Variants in NCOA2 observed in about 807,000 individuals in gnomAD.
The protein encoded by NCOA2 is class E basic helix-loop-helix protein 75.
Under a neutral mutation model 145.1 loss-of-function variants are expected in NCOA2, and 21 were observed. That is an observed-to-expected ratio of 0.14 (90% CI 0.10 to 0.21). NCOA2 has a LOEUF of 0.21. Ranked by LOEUF, NCOA2 falls within the 10% of genes least tolerant of loss-of-function variation. The pLI is 1.00. For synonymous variants in NCOA2, 619 were observed against 637.5 expected (o/e 0.97, Z 0.44); for missense variants, 1,472 against 1,837.6 (o/e 0.80, Z 3.64).
the NCOA2 span, among the ~76,000 whole-genome samples, chr8:70,442,120 A>AAAGC: frequency 1.1e-5 from 1 of 91,618 alleles, no homozygotes; most frequent in Non-Finnish European, 2.2e-5. Flanking sequence ...AAGAAAGAAG[A>AAAGC]AAGAAAGAAA....
At chr8:70,208,132 CT>C (rs1166365984) in intron 4 of NCOA2, among the ~76,000 whole-genome samples, 5 of 151,970 alleles carry the variant, frequency 3.3e-5, no homozygotes, top group African/African-American at 1.2e-4. Context: ...GTGAAATAGC[CT>C]TTTTGCTGAT....
At chr8:70,328,802 G>C (rs1471289428) in intron 1 of NCOA2, among the ~76,000 whole-genome samples, 1 of 151,936 alleles carries the variant, frequency 6.6e-6, no homozygotes, top group Non-Finnish European at 1.5e-5. Context: ...AGAAAAAATA[G>C]GACAATACCA....
intron 1 of NCOA2, among the ~76,000 whole-genome samples, chr8:70,374,449 G>T (rs1313132549): frequency 6.7e-6 from 1 of 149,982 alleles, no homozygotes; most frequent in Non-Finnish European, 1.5e-5. Flanking sequence ...TCCAGCCTGG[G>T]CAACAAAGCT....
chr8:70,296,883 G>T (rs558731260), intron 1 of NCOA2, 83 bp from the exon 2 acceptor site: 3 of 152,130 alleles, frequency 2.0e-5, no homozygotes, highest in Admixed American at 2.0e-4. Context: ...TTTTATAACC[G>T]ATTTTCAAAG....
At chr8:70,362,098 G>T (rs1030879352) in intron 1 of NCOA2, among the ~76,000 whole-genome samples, 3 of 152,130 alleles carry the variant, frequency 2.0e-5, no homozygotes, top group Non-Finnish European at 2.9e-5. Context: ...GGTGTGACAG[G>T]ATTGATTTTT....
intron 1 of NCOA2, among the ~76,000 whole-genome samples, chr8:70,387,651 T>C (rs1812788758): frequency 8.1e-6 from 1 of 123,060 alleles, no homozygotes; most frequent in Non-Finnish European, 1.6e-5. Flanking sequence ...TGAATTCCTC[T>C]GAAGTACAGC....
intron 2 of NCOA2, among the ~76,000 whole-genome samples, chr8:70,237,427 T>C (rs7463307): frequency 1.1e-3 from 3 of 2,616 alleles, no homozygotes; most frequent in Non-Finnish European, 3.9e-3. Context: ...AGTATTTTCC[T>C]TTTTTTTTTT....
intron 9 of NCOA2, among the ~76,000 whole-genome samples, chr8:70,161,866 C>T (rs1813054304): frequency 6.6e-6 from 1 of 152,004 alleles, no homozygotes; most frequent in African/African-American, 2.4e-5. Context: ...CAAATTAGCA[C>T]ATACTAAAGC....
At chr8:70,241,698 G>C (rs149480372) in intron 2 of NCOA2, among the ~76,000 whole-genome samples, 1 of 152,038 alleles carries the variant, frequency 6.6e-6, no homozygotes, top group Admixed American at 6.6e-5. Flanking sequence ...CTGAAATCCT[G>C]CACCACTGAC....
the NCOA2 span, among the ~76,000 whole-genome samples, chr8:70,429,087 T>C: frequency 1.3e-5 from 2 of 152,198 alleles, no homozygotes; most frequent in Non-Finnish European, 2.9e-5. Context: ...TGCCAAAACA[T>C]ATTTGTCTGG....
At chr8:70,188,915 C>T (rs1023713258) in intron 4 of NCOA2, among the ~76,000 whole-genome samples, 1 of 152,080 alleles carries the variant, frequency 6.6e-6, no homozygotes, top group Admixed American at 6.5e-5. Flanking sequence ...TCAGTATTAA[C>T]AGTAATAAAA....
intron 1 of NCOA2, among the ~76,000 whole-genome samples, chr8:70,391,243 T>C (rs1813177292): frequency 6.6e-6 from 1 of 152,214 alleles, no homozygotes; most frequent in Non-Finnish European, 1.5e-5. Flanking sequence ...CTCCATAATG[T>C]TACTCCAAAT....
chr8:70,302,891 C>T (rs1284625743), intron 1 of NCOA2, among the ~76,000 whole-genome samples: 2 of 152,134 alleles, frequency 1.3e-5, no homozygotes, highest in East Asian at 3.9e-4. Flanking sequence ...TCTTAAGCTA[C>T]AGTTACATAC....
chr8:70,407,510 T>C (rs1432383537), upstream of NCOA2, among the ~76,000 whole-genome samples: 1 of 151,926 alleles, frequency 6.6e-6, no homozygotes, highest in Non-Finnish European at 1.5e-5. Context: ...ACACATTGGC[T>C]GGGCGCAGTG....
intron 1 of NCOA2, among the ~76,000 whole-genome samples, chr8:70,311,767 CT>C (rs1805142944): frequency 6.6e-6 from 1 of 152,130 alleles, no homozygotes; most frequent in Non-Finnish European, 1.5e-5. Context: ...CCTCAGTTTC[CT>C]CAGTGACAAA....
the NCOA2 span, among the ~76,000 whole-genome samples, chr8:70,442,144 A>AAAGAAAGAAAGAAAGAAAGAAAGGAAGG: frequency 3.1e-5 from 4 of 128,492 alleles, no homozygotes; most frequent in South Asian, 5.5e-4. Context: ...AGAAAGAAAG[A>AAAGAAAGAAAGAAAGAAAGAAAGGAAGG]AAGAAAGAAA....
At chr8:70,282,347 T>C (rs973338969) in intron 2 of NCOA2, among the ~76,000 whole-genome samples, 1 of 152,144 alleles carries the variant, frequency 6.6e-6, no homozygotes, top group Non-Finnish European at 1.5e-5. Flanking sequence ...CAGGATAACC[T>C]TATTATGGGT....
intron 2 of NCOA2, among the ~76,000 whole-genome samples, chr8:70,242,159 CA>C (rs1197384753): frequency 6.6e-6 from 1 of 152,058 alleles, no homozygotes; most frequent in Non-Finnish European, 1.5e-5. Flanking sequence ...CTATTCTAGC[CA>C]ATCAATTTAC....
the NCOA2 span, among the ~76,000 whole-genome samples, chr8:70,444,925 T>G: frequency 1.3e-5 from 2 of 152,234 alleles, no homozygotes; most frequent in African/African-American, 4.8e-5. Context: ...TAGAGTTTTA[T>G]TAATTTCTTT....
Sources: allele counts gnomAD v4.1 joint callset (sites outside exome capture counted in the v4.1 genomes callset), GRCh38; gene constraint gnomAD v4.1.1; transcripts MANE v1.5; gene names NCBI Gene and HGNC (gene_info 2026-07-23, HGNC 2026-07-21).